Variants in FYN observed in about 807,000 individuals in gnomAD.
The protein encoded by FYN is tyrosine-protein kinase Fyn.
A neutral mutation model predicts 70.2 loss-of-function variants in FYN; 10 were observed. That is an observed-to-expected ratio of 0.14 (90% CI 0.09 to 0.24). The LOEUF (loss-of-function observed/expected upper bound fraction) is 0.24, where lower values mean the gene tolerates loss of function less well. Ranked by LOEUF, FYN falls within the 10% of genes least tolerant of loss-of-function variation. The pLI is 1.00. For missense variants in FYN, 319 were observed against 673.1 expected, an observed-to-expected ratio of 0.47 and a Z score of 5.82; for synonymous variants, 236 against 248.6, an observed-to-expected ratio of 0.95 and a Z score of 0.48.
intron 3 of FYN, among the ~76,000 whole-genome samples, chr6:111,777,474 A>G (rs1770996859): frequency 1.3e-5 from 2 of 152,248 alleles, no homozygotes; most frequent in Middle Eastern, 3.4e-3. Flanking sequence ...ATTATTCTGC[A>G]TGTGTGCACG....
rs544898142 is a variant in FYN at position 111,701,345 on chromosome 6, C to T, written c.698-1077G>A. 2.8e-4 allele frequency among the ~76,000 whole-genome samples: 43 copies of T among 152,272 alleles called. 1 individual carries two copies. Among genetic ancestry groups the T allele is most frequent in the African/African-American group, 1.0e-3 (42 of 41,540 alleles). Reference sequence around the variant, plus strand: ...TGCCTTGTGAGGTGGACAGACCTCCCGCTCCCTCCTGGCAGCCCCCGGACC... The same window carrying T: ...TGCCTTGTGAGGTGGACAGACCTCCTGCTCCCTCCTGGCAGCCCCCGGACC... On this transcript the variant is annotated intron_variant, in intron 8 of 13. Coordinates refer to ENST00000354650, the MANE Select transcript of FYN (RefSeq NM_002037.5).
chr6:111,781,459 T>TA (rs1398580023), intron 2 of FYN, among the ~76,000 whole-genome samples: 3 of 152,214 alleles, frequency 2.0e-5, no homozygotes, highest in African/African-American at 7.2e-5. Context: ...GAATCCTTTC[T>TA]AAACACAACC....
At chr6:111,806,665 G>C (rs1772159756) in intron 2 of FYN, among the ~76,000 whole-genome samples, 2 of 152,118 alleles carry the variant, frequency 1.3e-5, no homozygotes, top group Admixed American at 1.3e-4. Context: ...TTGAAGGTGA[G>C]GTAAATTATT....
At chr6:111,741,196 A>G (rs975743347) in intron 3 of FYN, 3 of 151,904 alleles carry the variant, frequency 2.0e-5, no homozygotes, top group African/African-American at 7.3e-5. Flanking sequence ...TATTTGCTTC[A>G]TGGCATTTAA....
chr6:111,768,458 T>G (rs972586055), intron 3 of FYN, among the ~76,000 whole-genome samples: 1 of 152,230 alleles, frequency 6.6e-6, no homozygotes, highest in Admixed American at 6.5e-5. Flanking sequence ...GACAAGCTTA[T>G]TGAGGTGTAA....
intron 13 of FYN, among the ~76,000 whole-genome samples, chr6:111,672,602 T>G (rs764031508): frequency 2.0e-5 from 3 of 152,078 alleles, no homozygotes. Context: ...AAGGCTGGTT[T>G]CTTCCTGGAT....
At chr6:111,714,308 T>C in intron 5 of FYN, 39 bp downstream of exon 5, 3 of 1,397,582 alleles carry the variant, frequency 2.1e-6, no homozygotes, top group Non-Finnish European at 3.1e-6. Flanking sequence ...CTTCCCAACC[T>C]GAAAGGTATA....
intron 12 of FYN, among the ~76,000 whole-genome samples, chr6:111,684,318 A>C (rs1798901238): frequency 6.6e-6 from 1 of 152,144 alleles, no homozygotes; most frequent in Non-Finnish European, 1.5e-5. Context: ...GAATCCATGG[A>C]AGGAATATTC....
chr6:111,772,588 G>A (rs941160022), intron 3 of FYN, among the ~76,000 whole-genome samples: 4 of 152,184 alleles, frequency 2.6e-5, no homozygotes, highest in African/African-American at 9.7e-5. Flanking sequence ...AATATCAGGT[G>A]CATGACATCA....
At chr6:111,815,717 T>A (rs1360809377) in intron 2 of FYN, among the ~76,000 whole-genome samples, 1 of 151,976 alleles carries the variant, frequency 6.6e-6, no homozygotes, top group Non-Finnish European at 1.5e-5. Flanking sequence ...TACTTCTTTT[T>A]TTTTTTTTTT....
chr6:111,809,707 C>T (rs1772263841), intron 2 of FYN, among the ~76,000 whole-genome samples: 1 of 152,170 alleles, frequency 6.6e-6, no homozygotes, highest in Admixed American at 6.5e-5. Context: ...CAGGCATGGG[C>T]CTCTCTTATT....
At chr6:111,796,850 T>A (rs1192587451) in intron 2 of FYN, among the ~76,000 whole-genome samples, 1 of 152,152 alleles carries the variant, frequency 6.6e-6, no homozygotes, top group Non-Finnish European at 1.5e-5. Context: ...GAAAATGAGA[T>A]GATGAGTCAG....
At chr6:111,788,729 G>A (rs1771496133) in intron 2 of FYN, among the ~76,000 whole-genome samples, 1 of 152,184 alleles carries the variant, frequency 6.6e-6, no homozygotes, top group Admixed American at 6.5e-5. Flanking sequence ...GTTCCAAATG[G>A]TGAAATAAAC....
chr6:111,731,285 A>G (rs1801438843), intron 3 of FYN, among the ~76,000 whole-genome samples: 1 of 152,198 alleles, frequency 6.6e-6, no homozygotes, highest in South Asian at 2.1e-4. Context: ...AGAAGATCCA[A>G]TTCCTTTAAA....
intron 5 of FYN, among the ~76,000 whole-genome samples, chr6:111,712,377 G>C (rs1309193601): frequency 6.6e-6 from 1 of 152,168 alleles, no homozygotes; most frequent in East Asian, 1.9e-4. Flanking sequence ...CAAAATAACA[G>C]CAAGGAGGTA....
intron 13 of FYN, among the ~76,000 whole-genome samples, chr6:111,668,828 C>T (rs907567282): frequency 2.6e-5 from 4 of 152,140 alleles, no homozygotes; most frequent in African/African-American, 9.7e-5. Context: ...CACGCACCCT[C>T]GGCTAAGATG....
At chr6:111,857,810 C>T (rs1773862247) in intron 1 of FYN, among the ~76,000 whole-genome samples, 2 of 150,248 alleles carry the variant, frequency 1.3e-5, no homozygotes, top group Admixed American at 1.3e-4. Context: ...GGGCTGTGTC[C>T]CTTTCGTTCT....
At chr6:111,683,025 C>A (rs925869840) in intron 12 of FYN, among the ~76,000 whole-genome samples, 2 of 152,246 alleles carry the variant, frequency 1.3e-5, no homozygotes, top group Non-Finnish European at 2.9e-5. Context: ...CCCTCCTAAT[C>A]AAAACACTCA....
intron 2 of FYN, among the ~76,000 whole-genome samples, chr6:111,816,773 G>A (rs1772502629): frequency 6.6e-6 from 1 of 152,140 alleles, no homozygotes; most frequent in South Asian, 2.1e-4. Flanking sequence ...CCAACTCCTT[G>A]ACCAGACAAT....
Sources: allele counts gnomAD v4.1 joint callset (sites outside exome capture counted in the v4.1 genomes callset), GRCh38; gene constraint gnomAD v4.1.1; transcripts MANE v1.5; gene names NCBI Gene and HGNC (gene_info 2026-07-23, HGNC 2026-07-21).